DMD: variants seen among roughly 807,000 people sequenced by gnomAD.
The protein encoded by DMD is dystrophin, also known as mutant dystrophin.
Under a neutral mutation model 330.1 loss-of-function variants are expected in DMD, and 63 were observed. The ratio of observed to expected loss-of-function variants is 0.19; its 90% CI spans 0.16 to 0.24. DMD has a LOEUF of 0.24. Among genes scored for constraint, DMD ranks in the 10% least tolerant of loss-of-function variants. The pLI is 1.00. For missense variants in DMD, 3,344 were observed against 2,684.1 expected (o/e 1.25, Z -5.43); for synonymous variants, 1,223 against 959.8 (o/e 1.27, Z -5.07).
intron 60 of DMD, among the ~76,000 whole-genome samples, chrX:31,391,648 G>A (rs749392009): frequency 3.6e-5 from 4 of 109,700 alleles, no homozygotes; most frequent in African/African-American, 1.3e-4. Flanking sequence ...TGAGATGGGC[G>A]GATCACGAGG....
chrX:32,495,664 G>C (rs1452473870), intron 19 of DMD, among the ~76,000 whole-genome samples: 4 of 111,343 alleles, frequency 3.6e-5, no homozygotes, highest in Non-Finnish European at 7.5e-5. Flanking sequence ...AATGAAAAAG[G>C]GTTCAAAGCG....
intron 18 of DMD, among the ~76,000 whole-genome samples, chrX:32,507,562 ATTC>A (rs1282540270): frequency 1.3e-4 from 14 of 111,575 alleles, no homozygotes; most frequent in African/African-American, 4.2e-4. Flanking sequence ...TGTTCCAGTT[ATTC>A]TAATATAAAT....
rs183470879 is a variant in DMD at position 33,185,653 on chromosome X, A to G, written c.31+25629T>C. On this transcript the variant is annotated intron_variant, in intron 1 of 78. Transcript: ENST00000357033. ...ACTTTTATTATCTACCCACCTGGAT[A>G]GCCCATCAACAATTCTAAGTTGATG... Among the ~76,000 whole-genome samples, 5 of 111,735 alleles carry G rather than the reference A, an allele frequency of 4.5e-5. No homozygotes were observed. The East Asian group carries it at 1.1e-3, about 25-fold the overall frequency.
At chrX:33,285,596 C>T (rs112236644) in intron 1 of DMD, among the ~76,000 whole-genome samples, 90 of 111,731 alleles carry the variant, frequency 8.1e-4, no homozygotes, top group African/African-American at 2.8e-3. Flanking sequence ...CCTTCTCTGG[C>T]GACTATCACC....
At chrX:32,235,506 C>A in intron 43 of DMD, among the ~76,000 whole-genome samples, 1 of 110,538 alleles carries the variant, frequency 9.0e-6, no homozygotes, top group South Asian at 3.8e-4. Context: ...AGGTACCCTG[C>A]CATAAAATAC....
rs57227723 is a variant in DMD, at chrX:31,222,392, CAAAAAAAAAA to C, written c.9361+645_9361+654del. Among the ~76,000 whole-genome samples, 9 of 20,625 alleles carry C rather than the reference CAAAAAAAAAA, an allele frequency of 4.4e-4. No homozygotes were observed. In the East Asian group the frequency reaches 0.016, roughly 36 times the overall value. 17.9% of individuals were successfully genotyped at this position (20,625 alleles called of 115,157 possible). A position where few individuals can be genotyped will look rare whatever the true frequency, so the allele number is the denominator to read the frequency against. ...TGGGCAACAGAGCAAGACTCCATCT[CAAAAAAAAAA>C]AAAAAAAAAAAAAAACAGAAAAAAA... is the stretch of plus-strand genomic sequence containing the variant. On this transcript the variant is annotated intron_variant, in intron 64 of 78. Transcript: ENST00000357033.
intron 1 of DMD, among the ~76,000 whole-genome samples, chrX:33,064,608 G>C (rs904516971): frequency 1.5e-4 from 17 of 111,953 alleles, no homozygotes; most frequent in African/African-American, 5.2e-4. Flanking sequence ...TGCATTGATG[G>C]CCAGACGCGG....
chrX:32,014,608 C>T (rs1470817835), intron 44 of DMD, among the ~76,000 whole-genome samples: 4 of 111,686 alleles, frequency 3.6e-5, no homozygotes, highest in Admixed American at 1.9e-4. Context: ...GGATCCCTAC[C>T]TTCTACCTCC....
intron 1 of DMD, among the ~76,000 whole-genome samples, chrX:33,245,232 G>A (rs1441513834): frequency 1.8e-5 from 2 of 108,709 alleles, no homozygotes; most frequent in Non-Finnish European, 3.8e-5. Flanking sequence ...ATTATACATT[G>A]TACTGATAGT....
chrX:31,370,246 G>A (rs1209938213), intron 60 of DMD, among the ~76,000 whole-genome samples: 5 of 111,399 alleles, frequency 4.5e-5, no homozygotes, highest in Non-Finnish European at 9.4e-5. Context: ...TTCATCCCCT[G>A]TTAAGAAGAT....
intron 7 of DMD, among the ~76,000 whole-genome samples, chrX:32,709,064 T>C (rs1205322725): frequency 8.9e-6 from 1 of 112,015 alleles, no homozygotes; most frequent in Non-Finnish European, 1.9e-5. Flanking sequence ...TTTAACCCAT[T>C]TTCAAATTAC....
chrX:32,657,302 G>A (rs1333974586), intron 9 of DMD, among the ~76,000 whole-genome samples: 1 of 111,197 alleles, frequency 9.0e-6, no homozygotes, highest in African/African-American at 3.3e-5. Context: ...AATGTACCTA[G>A]AACAATTTAA....
At chrX:31,596,041 G>T (rs988569646) in intron 55 of DMD, among the ~76,000 whole-genome samples, 1 of 111,474 alleles carries the variant, frequency 9.0e-6, no homozygotes, top group African/African-American at 3.3e-5. Flanking sequence ...TATTCTTAAA[G>T]TTTCAAGGAC....
At chrX:31,325,506 C>T (rs12392812) in intron 61 of DMD, among the ~76,000 whole-genome samples, 9,954 of 106,339 alleles carry the variant, frequency 0.094, 413 homozygotes, top group Non-Finnish European at 0.11. Flanking sequence ...CCCAGCTACT[C>T]GGGAGACTGA....
chrX:32,380,004 T>A (rs1048623458), intron 34 of DMD, among the ~76,000 whole-genome samples: 1 of 111,597 alleles, frequency 9.0e-6, no homozygotes, highest in African/African-American at 3.3e-5. Context: ...AGGGCAAGAA[T>A]TTAACGGCTA....
chrX:31,348,971 G>C (rs2058246592), intron 60 of DMD, among the ~76,000 whole-genome samples: 1 of 112,004 alleles, frequency 8.9e-6, no homozygotes. Context: ...AAAAACATTA[G>C]GGAGGGTGAC....
intron 44 of DMD, among the ~76,000 whole-genome samples, chrX:32,157,362 A>G (rs2096834358): frequency 8.9e-6 from 1 of 112,544 alleles, no homozygotes; most frequent in South Asian, 3.6e-4. Flanking sequence ...TACTTGTCAA[A>G]TGATCAGATA....
intron 60 of DMD, among the ~76,000 whole-genome samples, chrX:31,369,374 C>T (rs2059426354): frequency 8.9e-6 from 1 of 111,845 alleles, no homozygotes; most frequent in Admixed American, 9.5e-5. Context: ...AAATTAGAGG[C>T]TATGTAGCAT....
chrX:32,808,547 A>G (rs2077118602), intron 7 of DMD, among the ~76,000 whole-genome samples: 1 of 111,121 alleles, frequency 9.0e-6, no homozygotes, highest in Non-Finnish European at 1.9e-5. Flanking sequence ...GGTTGATAAT[A>G]AATTCACTGG....
Sources: gnomAD v4.1 joint callset for allele counts (sites outside exome capture counted in the v4.1 genomes callset) on GRCh38, gnomAD v4.1.1 for gene constraint, MANE v1.5 for transcripts, NCBI Gene and HGNC (gene_info 2026-07-23, HGNC 2026-07-21) for gene names.